MYOM2: variants seen among roughly 807,000 people sequenced by gnomAD.
MYOM2 encodes the protein myomesin-2.
Under a neutral mutation model 187.6 loss-of-function variants are expected in MYOM2, and 254 were observed. The observed-to-expected ratio is 1.35, with a 90% CI of 1.22 to 1.50. The LOEUF (loss-of-function observed/expected upper bound fraction) is 1.50. MYOM2 is among the 40% of genes most tolerant of loss of function. The pLI, the probability that MYOM2 is intolerant of heterozygous loss-of-function variation, is 0.00. For synonymous variants in MYOM2, 981 were observed against 753.8 expected, an observed-to-expected ratio of 1.30 and a Z score of -4.94; for missense variants, 2,796 against 1,924.0, an observed-to-expected ratio of 1.45 and a Z score of -8.48.
At chr8:2,054,331 A>G (rs776969247) in intron 3 of MYOM2, among the ~76,000 whole-genome samples, 11 of 152,198 alleles carry the variant, frequency 7.2e-5, no homozygotes, top group Non-Finnish European at 1.3e-4. Context: ...AAGGCACTCA[A>G]CACATCCTTC....
At chr8:2,110,025 T>G (rs1797016817) in intron 25 of MYOM2, among the ~76,000 whole-genome samples, 1 of 152,176 alleles carries the variant, frequency 6.6e-6, no homozygotes, top group Non-Finnish European at 1.5e-5. Flanking sequence ...AGTGTGGCTG[T>G]CAAGAGTGAT....
intron 6 of MYOM2, among the ~76,000 whole-genome samples, chr8:2,067,512 C>G (rs1027106544): frequency 6.6e-6 from 1 of 152,104 alleles, no homozygotes; most frequent in Admixed American, 6.5e-5. Flanking sequence ...TGAGGATGAA[C>G]GTGGAAATGC....
In MYOM2 at chr8:2,098,884, T is replaced by A; in HGVS notation, c.2341T>A (p.Tyr781Asn). ...GGACGGCTTGACGGAAGGCTCACTC[T>A]ACGAGTTCAAAATCGCCGCCGTCAA... ...TVDGLTEGSL[Y>N]EFKIAAVNLA... The change falls in exon 19 of 37, where the codon TAC (tyrosine) becomes AAC (asparagine). Residue 781 changes from tyrosine (Y) to asparagine (N), a missense_variant. Physicochemically the swap from Tyr to Asn is moderately radical, Grantham distance 143. Transcript: ENST00000262113. The A allele has an allele frequency of 6.2e-7, 1 of 1,613,420 alleles. No individual in the cohort carries two copies. The highest frequency in any genetic ancestry group is 1.1e-5 in the South Asian group (1 of 90,844).
At chr8:2,076,332 T>G (rs1264463691) in intron 11 of MYOM2, 50 bp downstream of exon 11, 2 of 1,590,066 alleles carry the variant, frequency 1.3e-6, no homozygotes, top group East Asian at 4.5e-5. Context: ...CATGGAATCT[T>G]ACCATGGACA....
At chr8:2,089,944 C>T in intron 14 of MYOM2, 64 bp from the exon 15 acceptor site, 1 of 1,509,316 alleles carries the variant, frequency 6.6e-7, no homozygotes, top group Admixed American at 1.8e-5. Flanking sequence ...TTTCTTCCTC[C>T]TCCACACGCC....
intron 19 of MYOM2, among the ~76,000 whole-genome samples, chr8:2,099,256 G>A (rs1279536155): frequency 1.3e-5 from 2 of 152,238 alleles, no homozygotes; most frequent in African/African-American, 4.8e-5. Flanking sequence ...GGAGGACCCA[G>A]ACTGTGGGGA....
intron 25 of MYOM2, among the ~76,000 whole-genome samples, 167 bp from the exon 26 acceptor site, chr8:2,115,793 T>A (rs1797220364): frequency 6.6e-6 from 1 of 152,234 alleles, no homozygotes; most frequent in Non-Finnish European, 1.5e-5. Flanking sequence ...TCATACCCAC[T>A]GTTTGATCCT....
At position 2,076,573 on chromosome 8, in the gene MYOM2, C is replaced by A. The variant is rs1402697955; in HGVS notation, c.1262+291C>A. On this transcript the variant is annotated intron_variant, in intron 11 of 36. Coordinates refer to ENST00000262113, the MANE Select transcript of MYOM2 (RefSeq NM_003970.4). Reference sequence around the variant, plus strand: ...CCAACGTCTTCAGGCTCACTCTGAGCCCCGCGCTGTGGTTCTGCTGAGGTC... The same window carrying A: ...CCAACGTCTTCAGGCTCACTCTGAGACCCGCGCTGTGGTTCTGCTGAGGTC... 5 of 368,522 alleles carry A rather than the reference C, an allele frequency of 1.4e-5. No individual in the cohort carries two copies. In the Admixed American group the frequency reaches 2.2e-4, roughly 16 times the overall value. The allele number at this position is 368,522 out of a possible 1,614,324, so 22.8% of individuals were successfully genotyped here. A position where few individuals can be genotyped will look rare whatever the true frequency, so the allele number is the denominator to read the frequency against.
chr8:2,046,313 C>G (rs987837445), intron 1 of MYOM2, among the ~76,000 whole-genome samples: 3 of 152,228 alleles, frequency 2.0e-5, no homozygotes, highest in African/African-American at 7.2e-5. Context: ...ACGTGGTCCC[C>G]TGCACTGGAG....
At chr8:2,063,730 T>C (rs1014465653) in intron 6 of MYOM2, among the ~76,000 whole-genome samples, 2 of 152,230 alleles carry the variant, frequency 1.3e-5, no homozygotes, top group Non-Finnish European at 2.9e-5. Context: ...CCCATGAGAA[T>C]TGATATGGCA....
rs576615849 is a variant in MYOM2 at position 2,076,501 on chromosome 8, G to A, written c.1262+219G>A. 265 of 591,300 alleles carry A rather than the reference G, an allele frequency of 4.5e-4. 1 individual carries two copies. In the African/African-American group the frequency reaches 4.7e-3, roughly 10 times the overall value. The allele number at this position is 591,300 out of a possible 1,614,324, so 36.6% of individuals were successfully genotyped here. ...TAACCACACTGGGTTTCTTTTTGTT[G>A]AAAGTGGAGGCTCGTTTGCCTGTTG... is the stretch of plus-strand genomic sequence containing the variant. On this transcript the variant is annotated intron_variant, in intron 11 of 36. Coordinates refer to ENST00000262113, the MANE Select transcript of MYOM2 (RefSeq NM_003970.4).
rs759496947 is a variant in MYOM2, at chr8:2,116,144, T to A, written c.3325+40T>A. On this transcript the variant is annotated intron_variant, in intron 26 of 36. Coordinates refer to ENST00000262113, the MANE Select transcript of MYOM2 (RefSeq NM_003970.4). Reference sequence around the variant, plus strand: ...ATATTTCCACGTCCATACAAGATAATTCAAATGAAATTCTTTTGACTGGAG... The same window carrying A: ...ATATTTCCACGTCCATACAAGATAAATCAAATGAAATTCTTTTGACTGGAG... 1.9e-6 allele frequency: 3 copies of A among 1,603,736 alleles called. No individual in the cohort carries two copies. The African/African-American group carries it at 4.0e-5, about 22-fold the overall frequency.
At chr8:2,047,284 G>T (rs573297811) in intron 1 of MYOM2, among the ~76,000 whole-genome samples, 2 of 152,178 alleles carry the variant, frequency 1.3e-5, no homozygotes, top group Non-Finnish European at 2.9e-5. Flanking sequence ...CCGGCCAGGA[G>T]GTGGTGGCCC....
intron 19 of MYOM2, among the ~76,000 whole-genome samples, chr8:2,100,285 A>G (rs112641096): frequency 0.013 from 1,997 of 152,094 alleles, 19 homozygotes; most frequent in African/African-American, 0.028. Flanking sequence ...GAAAAAAGTC[A>G]TTCTAGTTTC....
At chr8:2,127,236 G>A (rs1441672085) in intron 31 of MYOM2, among the ~76,000 whole-genome samples, 2 of 152,082 alleles carry the variant, frequency 1.3e-5, no homozygotes, top group Non-Finnish European at 2.9e-5. Flanking sequence ...GTGAACTCCT[G>A]TCTCCGAGTA....
chr8:2,057,539 G>C, intron 4 of MYOM2, 53 bp downstream of exon 4: 1 of 1,613,232 alleles, frequency 6.2e-7, no homozygotes, highest in Non-Finnish European at 8.5e-7. Context: ...CTAGATCTTA[G>C]CTTGTCTGCA....
At chr8:2,114,773 C>T (rs1797182731) in intron 25 of MYOM2, among the ~76,000 whole-genome samples, 1 of 152,124 alleles carries the variant, frequency 6.6e-6, no homozygotes, top group Non-Finnish European at 1.5e-5. Flanking sequence ...CCCAGCCTAA[C>T]AAAATTTCTT....
chr8:2,078,672 T>C lies in MYOM2; in HGVS notation c.1263-62T>C, dbSNP rs1276762939. The stretch of plus-strand genomic sequence containing the variant: ...GTGTGTGCATATATGCATATACCTA[T>C]GTATATTTAGTAGGTTGCCACATTT... On this transcript the variant is annotated intron_variant, in intron 11 of 36. Coordinates refer to ENST00000262113, the MANE Select transcript of MYOM2 (RefSeq NM_003970.4). The C allele has an allele frequency of 2.4e-5, 34 of 1,433,378 alleles. No individual in the cohort carries two copies. In the South Asian group the frequency reaches 3.8e-4, roughly 16 times the overall value. 88.8% of individuals were successfully genotyped at this position (1,433,378 alleles called of 1,614,324 possible).
At chr8:2,134,821 G>A (rs535024080) in intron 32 of MYOM2, among the ~76,000 whole-genome samples, 5 of 152,184 alleles carry the variant, frequency 3.3e-5, no homozygotes, top group African/African-American at 1.2e-4. Context: ...TTCTGGGCCC[G>A]TAAAACATTC....
Sources: gnomAD v4.1 joint callset for allele counts (sites outside exome capture counted in the v4.1 genomes callset) on GRCh38, gnomAD v4.1.1 for gene constraint, MANE v1.5 for transcripts, NCBI Gene and HGNC (gene_info 2026-07-23, HGNC 2026-07-21) for gene names.